NR2F1-AS1: variants seen among roughly 807,000 people sequenced by gnomAD.
The protein encoded by NR2F1-AS1 is NR2F1 regulatory antisense RNA 1, also known as NR2F1 antisense RNA 1.
At chr5:93,453,846 A>C (rs1749889807) in intron 4 of NR2F1-AS1, among the ~76,000 whole-genome samples, 2 of 152,224 alleles carry the variant, frequency 1.3e-5, no homozygotes, top group South Asian at 4.1e-4. Context: ...CTGGCACTAC[A>C]AGAAATGTTA....
chr5:93,485,736 C>T (rs1043723617), intron 4 of NR2F1-AS1, among the ~76,000 whole-genome samples: 6 of 151,860 alleles, frequency 4.0e-5, no homozygotes, highest in African/African-American at 1.5e-4. Context: ...CTAGAAATAC[C>T]ATTTGACCCA....
At chr5:93,543,450 C>T (rs1752002097) in intron 4 of NR2F1-AS1, 1 of 151,748 alleles carries the variant, frequency 6.6e-6, no homozygotes, top group Non-Finnish European at 1.5e-5. Context: ...GAAATGAAAA[C>T]ACAATGACTG....
chr5:93,409,579 T>C (rs1748808103), intron 4 of NR2F1-AS1: 1 of 152,198 alleles, frequency 6.6e-6, no homozygotes, highest in South Asian at 2.1e-4. Context: ...AGATACCTCA[T>C]GCAAACTAAA....
intron 4 of NR2F1-AS1, among the ~76,000 whole-genome samples, chr5:93,495,260 G>A (rs1486192687): frequency 6.6e-6 from 1 of 151,404 alleles, no homozygotes; most frequent in African/African-American, 2.4e-5. Flanking sequence ...TAGTCTCTTG[G>A]GTTTACATAC....
chr5:93,569,752 G>A (rs1358324700), intron 1 of NR2F1-AS1: 1 of 152,188 alleles, frequency 6.6e-6, no homozygotes, highest in Admixed American at 6.5e-5. Context: ...CCCCAGTCGG[G>A]CTCCATATTC....
At chr5:93,568,035 T>G (rs1752657136) in intron 1 of NR2F1-AS1, among the ~76,000 whole-genome samples, 1 of 152,188 alleles carries the variant, frequency 6.6e-6, no homozygotes, top group African/African-American at 2.4e-5. Flanking sequence ...ACTGACTAAT[T>G]CCTGGTACAC....
At chr5:93,480,031 G>A (rs2149874584) in intron 4 of NR2F1-AS1, among the ~76,000 whole-genome samples, 1 of 152,074 alleles carries the variant, frequency 6.6e-6, no homozygotes, top group East Asian at 1.9e-4. Flanking sequence ...AGAGTCTACA[G>A]GACTTATAGG....
chr5:93,554,038 T>C (rs75330266), intron 3 of NR2F1-AS1, among the ~76,000 whole-genome samples: 1 of 152,222 alleles, frequency 6.6e-6, no homozygotes, highest in African/African-American at 2.4e-5. Flanking sequence ...ATGTAGTTAC[T>C]CTGATCAATT....
At chr5:93,441,034 T>A (rs1246684137) in intron 4 of NR2F1-AS1, among the ~76,000 whole-genome samples, 4 of 152,200 alleles carry the variant, frequency 2.6e-5, no homozygotes, top group South Asian at 2.1e-4. Context: ...CCTTCTTACA[T>A]TTTTACTAAA....
chr5:93,569,156 A>G (rs1033851001), intron 1 of NR2F1-AS1, among the ~76,000 whole-genome samples: 8 of 152,118 alleles, frequency 5.3e-5, no homozygotes, highest in African/African-American at 1.9e-4. Context: ...CAAGGTTTCA[A>G]CGAGCCTGTC....
At chr5:93,509,552 A>G (rs568864577) in intron 4 of NR2F1-AS1, among the ~76,000 whole-genome samples, 1 of 152,090 alleles carries the variant, frequency 6.6e-6, no homozygotes. Flanking sequence ...ATACATACCA[A>G]CTTCAGGAAA....
intron 4 of NR2F1-AS1, among the ~76,000 whole-genome samples, chr5:93,476,668 T>C (rs942044410): frequency 6.6e-6 from 1 of 152,208 alleles, no homozygotes; most frequent in African/African-American, 2.4e-5. Context: ...GAGAACCATC[T>C]GACATGAATC....
chr5:93,532,131 C>A (rs1002816547), intron 4 of NR2F1-AS1, among the ~76,000 whole-genome samples: 1 of 152,088 alleles, frequency 6.6e-6, no homozygotes, highest in Admixed American at 6.6e-5. Flanking sequence ...AACAGAGATA[C>A]ATTGCCTCCT....
chr5:93,515,684 A>AT (rs34116106), intron 4 of NR2F1-AS1, among the ~76,000 whole-genome samples: 42,011 of 151,484 alleles, frequency 0.28, 7,341 homozygotes, highest in Non-Finnish European at 0.39. Flanking sequence ...ATAAATGGTG[A>AT]TTTTTTCCCT....
At chr5:93,543,901 G>A (rs1031768808) in intron 4 of NR2F1-AS1, 1 of 152,130 alleles carries the variant, frequency 6.6e-6, no homozygotes, top group Non-Finnish European at 1.5e-5. Flanking sequence ...AGAAGTTGTT[G>A]CGATATGTAT....
At chr5:93,417,472 C>A (rs1196046844) in intron 4 of NR2F1-AS1, among the ~76,000 whole-genome samples, 2 of 152,216 alleles carry the variant, frequency 1.3e-5, no homozygotes, top group African/African-American at 4.8e-5. Context: ...ACTGCCAATA[C>A]ATAACAACCA....
chr5:93,559,295 C>G (rs1220840696), intron 2 of NR2F1-AS1, among the ~76,000 whole-genome samples: 1 of 152,178 alleles, frequency 6.6e-6, no homozygotes, highest in Non-Finnish European at 1.5e-5. Flanking sequence ...TAGCTTCAGT[C>G]ATTTTCTGTG....
intron 4 of NR2F1-AS1, among the ~76,000 whole-genome samples, chr5:93,513,177 G>C (rs1233751946): frequency 6.6e-6 from 1 of 152,112 alleles, no homozygotes; most frequent in Non-Finnish European, 1.5e-5. Context: ...ATGCTGGTGA[G>C]GCTGCAGAGA....
At chr5:93,465,538 T>C (rs1195351532) in intron 4 of NR2F1-AS1, among the ~76,000 whole-genome samples, 2 of 152,102 alleles carry the variant, frequency 1.3e-5, no homozygotes, top group South Asian at 2.1e-4. Flanking sequence ...GGATCTAGAA[T>C]TAGAAATACC....
Sources: allele counts gnomAD v4.1 joint callset (sites outside exome capture counted in the v4.1 genomes callset), GRCh38; gene constraint gnomAD v4.1.1; transcripts MANE v1.5; gene names NCBI Gene and HGNC (gene_info 2026-07-23, HGNC 2026-07-21).